Variants in LOXHD1 observed in about 807,000 individuals in gnomAD.
The protein encoded by LOXHD1 is lipoxygenase homology PLAT domains 1.
Under a neutral mutation model 248.2 loss-of-function variants are expected in LOXHD1, and 205 were observed. That is an observed-to-expected ratio of 0.83 (90% CI 0.74 to 0.93). LOXHD1 has a LOEUF of 0.93. Among genes scored for constraint, LOXHD1 ranks in the 40% least tolerant of loss-of-function variants. LOXHD1 has a pLI of 0.00. For missense variants in LOXHD1, 2,930 were observed against 2,971.6 expected, an observed-to-expected ratio of 0.99 and a Z score of 0.33; for synonymous variants, 1,113 against 1,162.8, an observed-to-expected ratio of 0.96 and a Z score of 0.87.
At chr18:46,493,464 C>CCACCT (rs1375490931) in intron 37 of LOXHD1, among the ~76,000 whole-genome samples, 1 of 152,192 alleles carries the variant, frequency 6.6e-6, no homozygotes, top group Non-Finnish European at 1.5e-5. Context: ...TGTAACCTAT[C>CCACCT]CACCTCTATA....
chr18:46,602,330 T>A (rs1044401331), intron 7 of LOXHD1, among the ~76,000 whole-genome samples: 5 of 152,160 alleles, frequency 3.3e-5, no homozygotes, highest in Non-Finnish European at 7.4e-5. Flanking sequence ...CTCAGCCTCC[T>A]GAGTGGCTGG....
intron 12 of LOXHD1, among the ~76,000 whole-genome samples, chr18:46,583,878 A>T (rs559496165): frequency 7.2e-4 from 110 of 152,334 alleles, no homozygotes; most frequent in Middle Eastern, 6.8e-3. Flanking sequence ...TATGTTGACA[A>T]GATATCTGTA....
chr18:46,625,420 TGG>T (rs1568223198), intron 4 of LOXHD1, among the ~76,000 whole-genome samples: 4 of 151,348 alleles, frequency 2.6e-5, no homozygotes, highest in Non-Finnish European at 5.9e-5. Flanking sequence ...TTGGCTTCCC[TGG>T]GCCACACTGG....
At chr18:46,512,975 T>C (rs763695368) in intron 34 of LOXHD1, among the ~76,000 whole-genome samples, 23 of 152,204 alleles carry the variant, frequency 1.5e-4, no homozygotes, top group Non-Finnish European at 2.8e-4. Flanking sequence ...TTAGGTACCA[T>C]TCAAATCCAG....
intron 12 of LOXHD1, among the ~76,000 whole-genome samples, chr18:46,591,271 A>G (rs1198354538): frequency 1.3e-5 from 2 of 152,204 alleles, no homozygotes; most frequent in Non-Finnish European, 2.9e-5. Context: ...TTTCTGATCA[A>G]TTGTTAATGT....
chr18:46,646,845 C>T (rs934803652), intron 2 of LOXHD1, among the ~76,000 whole-genome samples: 6 of 152,240 alleles, frequency 3.9e-5, no homozygotes, highest in Non-Finnish European at 7.3e-5. Flanking sequence ...CTTTGCCGAG[C>T]TCTGACTATA....
At chr18:46,619,325 C>T (rs1289398961) in intron 4 of LOXHD1, among the ~76,000 whole-genome samples, 1 of 152,210 alleles carries the variant, frequency 6.6e-6, no homozygotes, top group Non-Finnish European at 1.5e-5. Flanking sequence ...TTCCCTAGTG[C>T]CTTCTCTGAG....
intron 31 of LOXHD1, 43 bp downstream of exon 31, chr18:46,524,423 C>A: frequency 6.5e-7 from 1 of 1,536,078 alleles, no homozygotes. Context: ...AAAACATTTC[C>A]ATGTGCCTGG....
chr18:46,560,048 T>TGCCTTCCCC, intron 19 of LOXHD1, 35 bp downstream of exon 19: 1 of 1,226,298 alleles, frequency 8.2e-7, no homozygotes, highest in Non-Finnish European at 1.1e-6. Flanking sequence ...GTCTGGCCAC[T>TGCCTTCCCC]CCCTCCCCAC....
intron 38 of LOXHD1, among the ~76,000 whole-genome samples, chr18:46,486,609 G>C (rs1234856561): frequency 2.0e-5 from 3 of 152,182 alleles, no homozygotes; most frequent in Non-Finnish European, 2.9e-5. Flanking sequence ...CCCATGGGAG[G>C]TGATGGTCTA....
chr18:46,574,864 T>C (rs1275670164), intron 14 of LOXHD1, among the ~76,000 whole-genome samples: 1 of 152,182 alleles, frequency 6.6e-6, no homozygotes, highest in East Asian at 1.9e-4. Context: ...GCTAGACTTC[T>C]GGTTCCCAGC....
At chr18:46,557,097 G>A (rs552915897) in intron 21 of LOXHD1, among the ~76,000 whole-genome samples, 5 of 145,858 alleles carry the variant, frequency 3.4e-5, no homozygotes, top group Non-Finnish European at 6.0e-5. Context: ...ACATAACCCA[G>A]CTCACCCTCA....
In LOXHD1 at chr18:46,563,360, C is replaced by G. The variant is rs532147928; in HGVS notation, c.2438-135G>C. 657 of 812,342 alleles carry G rather than the reference C, an allele frequency of 8.1e-4. 1 individual carries two copies. Among genetic ancestry groups the G allele is most frequent in the Non-Finnish European group, 1.1e-3 (621 of 560,632 alleles). 50.3% of individuals were successfully genotyped at this position (812,342 alleles called of 1,614,324 possible). A position where few individuals can be genotyped will look rare whatever the true frequency, so the allele number is the denominator to read the frequency against. ...AGTCATTCACTTATCTAATCCTCTC[C>G]TCAACACCCTGAGTAAGCACAATCA... is the stretch of plus-strand genomic sequence containing the variant. On this transcript the variant is annotated intron_variant, in intron 17 of 40. Transcript: ENST00000642948.
At chr18:46,581,455 T>G (rs983519552) in intron 12 of LOXHD1, among the ~76,000 whole-genome samples, 1 of 152,040 alleles carries the variant, frequency 6.6e-6, no homozygotes, top group African/African-American at 2.4e-5. Context: ...AATGGTTCAT[T>G]TGAGCTGTCT....
chr18:46,515,863 C>T (rs1351356708), intron 34 of LOXHD1, among the ~76,000 whole-genome samples: 1 of 152,220 alleles, frequency 6.6e-6, no homozygotes, highest in Non-Finnish European at 1.5e-5. Flanking sequence ...GCAATGGCCC[C>T]CAGCTTCCCT....
chr18:46,513,044 T>G (rs567226278), intron 34 of LOXHD1, among the ~76,000 whole-genome samples: 1 of 152,120 alleles, frequency 6.6e-6, no homozygotes. Flanking sequence ...CATAGCCCCA[T>G]GAGATGGAGA....
At chr18:46,568,713 C>A (rs1351694872) in intron 16 of LOXHD1, among the ~76,000 whole-genome samples, 1 of 152,172 alleles carries the variant, frequency 6.6e-6, no homozygotes, top group Non-Finnish European at 1.5e-5. Flanking sequence ...CTACTGAGCC[C>A]TTGATTACCC....
At chr18:46,595,486 A>G (rs2038243867) in intron 8 of LOXHD1, among the ~76,000 whole-genome samples, 1 of 152,236 alleles carries the variant, frequency 6.6e-6, no homozygotes, top group African/African-American at 2.4e-5. Flanking sequence ...AATAGATAGG[A>G]AACCTGAGGT....
chr18:46,560,048 T>TGCCTGGCCC, intron 19 of LOXHD1, 35 bp downstream of exon 19: 11 of 1,226,292 alleles, frequency 9.0e-6, no homozygotes, highest in Non-Finnish European at 1.2e-5. Context: ...GTCTGGCCAC[T>TGCCTGGCCC]CCCTCCCCAC....
Sources: allele counts gnomAD v4.1 joint callset (sites outside exome capture counted in the v4.1 genomes callset), GRCh38; gene constraint gnomAD v4.1.1; transcripts MANE v1.5; gene names NCBI Gene and HGNC (gene_info 2026-07-23, HGNC 2026-07-21).